The following CEP112 variants were observed in gnomAD, a reference collection of about 807,000 sequenced individuals.
CEP112 encodes centrosomal protein 112, also known as centrosomal protein of 112 kDa.
CEP112 carries 127 observed loss-of-function variants against 153.0 expected under a neutral mutation model. The observed-to-expected ratio is 0.83, with a 90% confidence interval of 0.72 to 0.96. The LOEUF (loss-of-function observed/expected upper bound fraction) is 0.96, where lower values mean the gene tolerates loss of function less well. CEP112 is among the 40% of genes least tolerant of loss of function. CEP112 has a pLI of 0.00. For synonymous variants in CEP112, 358 were observed against 374.4 expected (o/e 0.96, Z 0.51); for missense variants, 1,089 against 1,101.2 (o/e 0.99, Z 0.16).
chr17:65,931,176 A>G (rs925795725), intron 18 of CEP112, among the ~76,000 whole-genome samples: 4 of 148,590 alleles, frequency 2.7e-5, no homozygotes, highest in Non-Finnish European at 4.5e-5. Flanking sequence ...AGGAGGAGGG[A>G]CATCAGCAAG....
chr17:65,640,154 A>ATAT (rs1300751452), intron 25 of CEP112, among the ~76,000 whole-genome samples: 4 of 78,340 alleles, frequency 5.1e-5, no homozygotes, highest in Admixed American at 1.7e-4. Context: ...ATATATATAT[A>ATAT]TTTTTTTTTT....
chr17:65,821,512 AAT>A lies in CEP112; in HGVS notation c.2394+30290_2394+30291del, dbSNP rs1223345764. Among the ~76,000 whole-genome samples, 531 of 98,482 alleles carry A rather than the reference AAT, an allele frequency of 5.4e-3. 3 individuals carry two copies. Among genetic ancestry groups the A allele is most frequent in the Non-Finnish European group, 6.9e-3 (343 of 49,972 alleles). The allele number at this position is 98,482 out of a possible 152,430, so 64.6% of individuals were successfully genotyped here. A position where few individuals can be genotyped will look rare whatever the true frequency, so the allele number is the denominator to read the frequency against. On this transcript the variant is annotated intron_variant, in intron 21 of 26. Transcript: ENST00000535342. ...TATATATAATTATATATATATATAT[AAT>A]TATATATATATATATATATATATAT...
At chr17:65,997,935 TATA>T (rs2063853850) in intron 17 of CEP112, among the ~76,000 whole-genome samples, 3 of 152,182 alleles carry the variant, frequency 2.0e-5, no homozygotes, top group Admixed American at 1.3e-4. Flanking sequence ...CACATCTTAA[TATA>T]ATAACTTTCA....
intron 11 of CEP112, among the ~76,000 whole-genome samples, chr17:66,056,484 A>G (rs1207471199): frequency 1.3e-5 from 2 of 152,246 alleles, no homozygotes; most frequent in Non-Finnish European, 2.9e-5. Context: ...AGTCAACTCA[A>G]ATGTCTATCA....
intron 15 of CEP112, 80 bp from the exon 16 acceptor site, chr17:66,027,640 T>G (rs1421159637): frequency 2.0e-6 from 2 of 984,652 alleles, no homozygotes; most frequent in Non-Finnish European, 2.7e-6. Flanking sequence ...ATTAAATCAA[T>G]CAATCTACTT....
At chr17:65,923,855 T>A (rs1479715542) in intron 19 of CEP112, among the ~76,000 whole-genome samples, 2 of 152,210 alleles carry the variant, frequency 1.3e-5, no homozygotes, top group Non-Finnish European at 2.9e-5. Flanking sequence ...ATACAAAGTG[T>A]TCTAAAAAGC....
intron 21 of CEP112, among the ~76,000 whole-genome samples, chr17:65,777,774 TA>T (rs1289401536): frequency 6.6e-6 from 1 of 152,184 alleles, no homozygotes; most frequent in Non-Finnish European, 1.5e-5. Flanking sequence ...ATATATCCTA[TA>T]TTTTTTTCTG....
Position 66,138,791 on chromosome 17 carries a change from G to C in CEP112, c.471-6028C>G, listed in dbSNP as rs188632486. ...AAATATAAGGAAGAAATGAACAAAG[G>C]AATTATATAACAGTCAGAAAGCAAT... On this transcript the variant is annotated intron_variant, in intron 4 of 26. Coordinates refer to ENST00000535342, the MANE Select transcript of CEP112 (RefSeq NM_001199165.4). Among the ~76,000 whole-genome samples the C allele has an allele frequency of 9.8e-4, 149 of 151,860 alleles. 1 individual carries two copies. The highest frequency in any genetic ancestry group is 3.5e-3 in the African/African-American group (143 of 41,448).
intron 23 of CEP112, among the ~76,000 whole-genome samples, chr17:65,696,775 T>C (rs948863047): frequency 1.3e-5 from 2 of 152,098 alleles, no homozygotes; most frequent in East Asian, 3.9e-4. Context: ...CTTTTGTGTA[T>C]GTTTAAAAGC....
intron 20 of CEP112, among the ~76,000 whole-genome samples, chr17:65,869,595 T>G (rs75058617): frequency 6.6e-6 from 1 of 151,256 alleles, no homozygotes; most frequent in Non-Finnish European, 1.5e-5. Context: ...TTTTTTTTTT[T>G]TTCAGACAGA....
chr17:65,750,566 A>G, intron 22 of CEP112, 96 bp downstream of exon 22: 1 of 966,442 alleles, frequency 1.0e-6, no homozygotes, highest in South Asian at 1.4e-5. Flanking sequence ...AAAACTGAAA[A>G]GAATGAAGTT....
chr17:65,954,662 A>T (rs980435654), intron 18 of CEP112, among the ~76,000 whole-genome samples: 2 of 152,088 alleles, frequency 1.3e-5, no homozygotes, highest in Non-Finnish European at 2.9e-5. Context: ...CAGCATATAT[A>T]AAAAACAATC....
chr17:66,166,903 CAAA>C (rs10714039), intron 4 of CEP112, among the ~76,000 whole-genome samples: 6 of 88,516 alleles, frequency 6.8e-5, no homozygotes, highest in African/African-American at 8.6e-5. Context: ...GACTCCATCT[CAAA>C]AAAAAAAAAA....
chr17:65,942,822 G>A (rs1290493943), intron 18 of CEP112, among the ~76,000 whole-genome samples: 1 of 152,126 alleles, frequency 6.6e-6, no homozygotes, highest in Non-Finnish European at 1.5e-5. Context: ...ATCAGATACA[G>A]TCATAATAAA....
chr17:65,685,874 T>C (rs989816500), intron 24 of CEP112, among the ~76,000 whole-genome samples: 1 of 151,974 alleles, frequency 6.6e-6, no homozygotes, highest in Non-Finnish European at 1.5e-5. Flanking sequence ...GATTTCACCA[T>C]GTTGGACAGG....
chr17:65,899,278 G>C (rs996868474), intron 20 of CEP112, among the ~76,000 whole-genome samples: 3 of 152,034 alleles, frequency 2.0e-5, no homozygotes, highest in African/African-American at 7.2e-5. Context: ...ATAGATACCA[G>C]ACTGAACATC....
chr17:65,795,742 G>A lies in CEP112; in HGVS notation c.2395-45018C>T, dbSNP rs535267704. 7.9e-5 allele frequency among the ~76,000 whole-genome samples: 12 copies of A among 152,238 alleles called. No individual in the cohort carries two copies. In the East Asian group the frequency reaches 2.1e-3, roughly 27 times the overall value. ...CATAAGAATCGCTTGAACCCAGGAG[G>A]CAGAGGTTGCAGTGAGCTGAGATCA... On this transcript the variant is annotated intron_variant, in intron 21 of 26. Transcript: ENST00000535342.
chr17:65,818,640 C>A (rs948483806), intron 21 of CEP112, among the ~76,000 whole-genome samples: 1 of 151,658 alleles, frequency 6.6e-6, no homozygotes, highest in African/African-American at 2.4e-5. Flanking sequence ...ATTTGGGGAC[C>A]CCCTTAGATG....
intron 21 of CEP112, among the ~76,000 whole-genome samples, chr17:65,846,889 G>T (rs1229302902): frequency 6.6e-6 from 1 of 152,180 alleles, no homozygotes; most frequent in Non-Finnish European, 1.5e-5. Context: ...CACCATGCAA[G>T]CTCCTGGGGC....
Sources: gnomAD v4.1 joint callset for allele counts (sites outside exome capture counted in the v4.1 genomes callset) on GRCh38, gnomAD v4.1.1 for gene constraint, MANE v1.5 for transcripts, NCBI Gene and HGNC (gene_info 2026-07-23, HGNC 2026-07-21) for gene names.